The following WAC variants were observed in gnomAD, a reference collection of about 807,000 sequenced individuals.
WAC encodes the protein WW domain containing adaptor with coiled-coil, also known as WW domain-containing adapter protein with coiled-coil.
WAC carries 11 observed loss-of-function variants against 79.6 expected under a neutral mutation model. The ratio of observed to expected loss-of-function variants is 0.14; its 90% CI spans 0.09 to 0.23. The LOEUF is 0.23. Among genes scored for constraint, WAC ranks in the 10% least tolerant of loss-of-function variants. The pLI, the probability that WAC is intolerant of heterozygous loss-of-function variation, is 1.00. For missense variants in WAC, 728 were observed against 773.5 expected (o/e 0.94, Z 0.70); for synonymous variants, 304 against 276.9 (o/e 1.10, Z -0.97).
intron 2 of WAC, chr10:28,534,330 A>T: frequency 2.7e-6 from 1 of 364,446 alleles, no homozygotes; most frequent in Non-Finnish European, 4.9e-6. Context: ...GAAGGAATCG[A>T]TGGGATGAGA....
intron 3 of WAC, among the ~76,000 whole-genome samples, chr10:28,546,792 A>C (rs1342550370): frequency 6.6e-6 from 1 of 151,832 alleles, no homozygotes; most frequent in Non-Finnish European, 1.5e-5. Flanking sequence ...TTCATATTGC[A>C]TAGGTTTTGA....
In WAC at chr10:28,600,805, C is replaced by T. The variant is rs910293843; in HGVS notation, c.919+4764C>T. ...AGTATCAGACAGGAGAAAATACTTG[C>T]GACATGTAACAGGATACATTAAAGA... On this transcript the variant is annotated intron_variant, in intron 7 of 13. Coordinates refer to ENST00000354911, the MANE Select transcript of WAC (RefSeq NM_016628.5). 7.9e-5 allele frequency among the ~76,000 whole-genome samples: 12 copies of T among 151,422 alleles called. 2 individuals carry two copies. The highest frequency in any genetic ancestry group is 1.9e-4 in the East Asian group (1 of 5,134).
intron 3 of WAC, among the ~76,000 whole-genome samples, chr10:28,544,163 A>G (rs1837223504): frequency 6.6e-6 from 1 of 152,202 alleles, no homozygotes; most frequent in Non-Finnish European, 1.5e-5. Flanking sequence ...GATTATAGGC[A>G]TGAGTCACTG....
At chr10:28,551,447 G>A (rs1198923191) in intron 3 of WAC, among the ~76,000 whole-genome samples, 1 of 152,160 alleles carries the variant, frequency 6.6e-6, no homozygotes, top group Non-Finnish European at 1.5e-5. Context: ...AAGCATATAA[G>A]CTATTATAAT....
At chr10:28,580,142 C>T (rs543565021) in intron 3 of WAC, among the ~76,000 whole-genome samples, 30 of 152,276 alleles carry the variant, frequency 2.0e-4, no homozygotes, top group East Asian at 1.4e-3. Context: ...CAACTGATTC[C>T]GTTTTCTCTT....
Position 28,590,690 on chromosome 10 carries a change from TTA to T in WAC, c.498-26_498-25del, listed in dbSNP as rs758479471. ...GAAACTCATGCCCTTAATGTAATTTTTATATGTTTATCTTTTTTTTTATTTTT... is the reference window on the plus strand; with the variant it reads ...GAAACTCATGCCCTTAATGTAATTTTTATGTTTATCTTTTTTTTTATTTTT... On this transcript the variant is annotated intron_variant, in intron 5 of 13. Transcript: ENST00000354911. The T allele has an allele frequency of 1.4e-4, 211 of 1,533,082 alleles. 2 individuals are homozygous for T. Among genetic ancestry groups the T allele is most frequent in the Middle Eastern group, 1.2e-3 (7 of 5,864 alleles). 95.0% of individuals were successfully genotyped at this position (1,533,082 alleles called of 1,614,324 possible).
At chr10:28,533,649 C>A (rs749401359) in intron 1 of WAC, 29 bp downstream of exon 1, 9 of 1,504,608 alleles carry the variant, frequency 6.0e-6, no homozygotes, top group Admixed American at 1.7e-5. Flanking sequence ...TCGGGCCGGG[C>A]GGCGGCGGGG....
At chr10:28,591,700 G>T (rs767740355) in intron 6 of WAC, 1 of 152,200 alleles carries the variant, frequency 6.6e-6, no homozygotes, top group South Asian at 2.1e-4. Flanking sequence ...AGTGTCCACA[G>T]AATTAAAAAT....
At chr10:28,577,203 T>A (rs1466615219) in intron 3 of WAC, among the ~76,000 whole-genome samples, 1 of 152,216 alleles carries the variant, frequency 6.6e-6, no homozygotes, top group East Asian at 1.9e-4. Context: ...CAGAATGATA[T>A]TATTATAAAC....
chr10:28,586,401 C>T (rs757426308), intron 4 of WAC, among the ~76,000 whole-genome samples: 10 of 152,048 alleles, frequency 6.6e-5, no homozygotes, highest in Admixed American at 3.9e-4. Flanking sequence ...GAATGTTGGG[C>T]GCAGTGGCTC....
At chr10:28,607,595 A>G (rs1782027324) in intron 7 of WAC, among the ~76,000 whole-genome samples, 1 of 152,218 alleles carries the variant, frequency 6.6e-6, no homozygotes, top group African/African-American at 2.4e-5. Context: ...ATTGCCTTAT[A>G]TATTGAATTA....
chr10:28,561,057 ATG>A (rs1204926913), intron 3 of WAC, among the ~76,000 whole-genome samples: 1 of 152,236 alleles, frequency 6.6e-6, no homozygotes, highest in Non-Finnish European at 1.5e-5. Context: ...TCTCAAGGAT[ATG>A]TGAGTGTATA....
intron 9 of WAC, 90 bp downstream of exon 9, chr10:28,610,911 C>CA: frequency 8.0e-7 from 1 of 1,256,038 alleles, no homozygotes. Context: ...TTTTTTCTTT[C>CA]ATTTTTTTTT....
chr10:28,608,643 G>A (rs1235276279), intron 8 of WAC: 1 of 545,306 alleles, frequency 1.8e-6, no homozygotes, highest in Non-Finnish European at 3.2e-6. Context: ...GTGGTGCTTG[G>A]ATCTTGTGTA....
intron 8 of WAC, 132 bp downstream of exon 8, chr10:28,608,563 T>C: frequency 9.2e-7 from 1 of 1,090,014 alleles, no homozygotes; most frequent in African/African-American, 1.6e-5. Flanking sequence ...TTTTGTTTTG[T>C]TTTTTGTTTT....
chr10:28,551,784 T>TTCTGTGTG (rs3222049), intron 3 of WAC, among the ~76,000 whole-genome samples: 1 of 124,808 alleles, frequency 8.0e-6, no homozygotes, highest in East Asian at 2.4e-4. Flanking sequence ...TCCTGTCTAC[T>TTCTGTGTG]TGTGTGTGTG....
chr10:28,558,222 T>G (rs1838105407), intron 3 of WAC, among the ~76,000 whole-genome samples: 1 of 151,590 alleles, frequency 6.6e-6, no homozygotes, highest in African/African-American at 2.4e-5. Flanking sequence ...ATTTTTCTCC[T>G]TTTTTTTTCT....
intron 6 of WAC, among the ~76,000 whole-genome samples, chr10:28,592,457 ACTAAAATACAAAAGTTAT>A (rs2132687455): frequency 6.6e-6 from 1 of 152,178 alleles, no homozygotes; most frequent in East Asian, 1.9e-4. Flanking sequence ...CCCCGTCTCT[ACTAAAATACAAAAGTTAT>A]CTAGGTGTGG....
At chr10:28,537,205 G>A (rs1836728337) in intron 3 of WAC, among the ~76,000 whole-genome samples, 1 of 152,202 alleles carries the variant, frequency 6.6e-6, no homozygotes, top group African/African-American at 2.4e-5. Context: ...AACAGTAGTA[G>A]CAGGTGTATT....
Sources: allele counts gnomAD v4.1 joint callset (sites outside exome capture counted in the v4.1 genomes callset), GRCh38; gene constraint gnomAD v4.1.1; transcripts MANE v1.5; gene names NCBI Gene and HGNC (gene_info 2026-07-23, HGNC 2026-07-21).